Variants in GAN observed in about 807,000 individuals in gnomAD.
The protein encoded by GAN is epididymis secretory sperm binding protein.
In GAN, 48 loss-of-function variants were observed where a neutral mutation model predicts 71.3. The ratio of observed to expected loss-of-function variants is 0.67; its 90% CI spans 0.53 to 0.86. The LOEUF (loss-of-function observed/expected upper bound fraction) is 0.86. GAN is among the 40% of genes least tolerant of loss of function. GAN has a pLI of 0.00. For synonymous variants in GAN, 386 were observed against 276.8 expected (o/e 1.39, Z -3.92); for missense variants, 928 against 770.1 (o/e 1.21, Z -2.43).
Position 81,380,752 on chromosome 16 carries a change from T to G in GAN, c.*3156T>G, listed in dbSNP as rs137983893. ...TGTAAATATTGAAATATTTGTAGTT[T>G]ATAGTAAGTTTTACTTGGTGTTCGC... On this transcript the variant is annotated 3_prime_UTR_variant, in exon 11 of 11. Coordinates refer to ENST00000648994, the MANE Select transcript of GAN (RefSeq NM_022041.4). 1.3e-5 allele frequency: 2 copies of G among 152,348 alleles called. No homozygotes were observed. The highest frequency in any genetic ancestry group is 2.9e-5 in the Non-Finnish European group (2 of 68,038). The allele number at this position is 152,348 out of a possible 1,614,324, so 9.4% of individuals were successfully genotyped here.
intron 1 of GAN, among the ~76,000 whole-genome samples, chr16:81,333,618 A>G (rs1008851226): frequency 1.8e-4 from 27 of 152,348 alleles, no homozygotes; most frequent in African/African-American, 5.8e-4. Flanking sequence ...GAAATGATTC[A>G]TAGCAATTCA....
At chr16:81,340,172 C>G (rs1909894326) in intron 1 of GAN, among the ~76,000 whole-genome samples, 1 of 152,116 alleles carries the variant, frequency 6.6e-6, no homozygotes, top group African/African-American at 2.4e-5. Flanking sequence ...CTCCTGGGCT[C>G]AAGCAGTCCT....
intron 9 of GAN, among the ~76,000 whole-genome samples, chr16:81,376,797 G>A (rs966449058): frequency 5.9e-5 from 9 of 152,050 alleles, no homozygotes; most frequent in Admixed American, 4.6e-4. Flanking sequence ...AGGATCACCT[G>A]AACTGGTAGG....
In GAN at chr16:81,387,618, C is replaced by G. The variant is rs1440920523; in HGVS notation, c.*10022C>G. The stretch of plus-strand genomic sequence containing the variant: ...ATCACTTGAGGTCAGGAGTTCAAGA[C>G]TAGCCTGGCCAACATGGTGAAACCC... On this transcript the variant is annotated 3_prime_UTR_variant, in exon 11 of 11. Transcript: ENST00000648994. 1 of 152,450 alleles carries G rather than the reference C, an allele frequency of 6.6e-6. No individual in the cohort carries two copies. Among genetic ancestry groups the G allele is most frequent in the Non-Finnish European group, 1.5e-5 (1 of 68,298 alleles). The allele number at this position is 152,450 out of a possible 1,614,324, so 9.4% of individuals were successfully genotyped here.
chr16:81,370,090 C>T (rs1162958030), intron 9 of GAN, among the ~76,000 whole-genome samples: 1 of 152,188 alleles, frequency 6.6e-6, no homozygotes, highest in Non-Finnish European at 1.5e-5. Context: ...TTTTACTTGT[C>T]AGGGGCAACA....
chr16:81,347,425 G>A (rs118064038), intron 1 of GAN, among the ~76,000 whole-genome samples: 2 of 152,296 alleles, frequency 1.3e-5, no homozygotes, highest in East Asian at 1.9e-4. Context: ...GTACATAGCT[G>A]TCATTCCAGG....
intron 4 of GAN, 126 bp downstream of exon 4, chr16:81,357,128 T>C: frequency 1.3e-6 from 1 of 742,506 alleles, no homozygotes; most frequent in Non-Finnish European, 2.4e-6. Context: ...TTTTATACTT[T>C]AAGTTTTAGG....
At chr16:81,321,243 G>C (rs1299594892) in intron 1 of GAN, among the ~76,000 whole-genome samples, 1 of 152,200 alleles carries the variant, frequency 6.6e-6, no homozygotes, top group African/African-American at 2.4e-5. Context: ...GTAGCATAGA[G>C]GGAAGTGTGG....
chr16:81,340,311 A>T (rs1406885602), intron 1 of GAN, among the ~76,000 whole-genome samples: 2 of 152,238 alleles, frequency 1.3e-5, no homozygotes, highest in South Asian at 2.1e-4. Flanking sequence ...CCTTAAAAAA[A>T]ATAATAAAAC....
chr16:81,351,873 C>G (rs987767520), intron 2 of GAN, among the ~76,000 whole-genome samples, 176 bp downstream of exon 2: 1 of 152,190 alleles, frequency 6.6e-6, no homozygotes, highest in African/African-American at 2.4e-5. Flanking sequence ...TCTTCCATGG[C>G]TGTGCTCCTA....
intron 6 of GAN, among the ~76,000 whole-genome samples, chr16:81,362,983 A>T (rs889572736): frequency 1.3e-5 from 2 of 152,180 alleles, no homozygotes; most frequent in African/African-American, 4.8e-5. Context: ...AGGCATTTAA[A>T]GTTTTTCACA....
At chr16:81,345,515 A>G (rs1403968121) in intron 1 of GAN, among the ~76,000 whole-genome samples, 1 of 152,102 alleles carries the variant, frequency 6.6e-6, no homozygotes, top group South Asian at 2.1e-4. Context: ...CAAACAATGC[A>G]TGTTCTCACT....
intron 1 of GAN, among the ~76,000 whole-genome samples, chr16:81,335,933 G>T (rs1055572483): frequency 6.6e-6 from 1 of 152,096 alleles, no homozygotes; most frequent in Non-Finnish European, 1.5e-5. Flanking sequence ...GAGAGGAGGT[G>T]GGTGCCCCAT....
rs1259879350 is a variant in GAN at position 81,360,073 on chromosome 16, G to GGACA, written c.973+2144_973+2145insCAGA. On this transcript the variant is annotated intron_variant, in intron 5 of 10. Coordinates refer to ENST00000648994, the MANE Select transcript of GAN (RefSeq NM_022041.4). ...TGGATGGATGGATGGATGGATAGAT[G>GGACA]GATGGACAGACAGATAGGTAGATAG... Among the ~76,000 whole-genome samples, 11 of 143,092 alleles carry GGACA rather than the reference G, an allele frequency of 7.7e-5. No individual in the cohort carries two copies. In the South Asian group the frequency reaches 2.4e-3, roughly 32 times the overall value. 93.9% of individuals were successfully genotyped at this position (143,092 alleles called of 152,430 possible).
chr16:81,371,366 C>T (rs1075353), intron 9 of GAN, among the ~76,000 whole-genome samples: 3,410 of 152,218 alleles, frequency 0.022, 78 homozygotes, highest in East Asian at 0.12. Context: ...GGCTCTTCTT[C>T]TGTTGAGGAG....
chr16:81,342,814 C>T (rs567126012), intron 1 of GAN, among the ~76,000 whole-genome samples: 16 of 151,690 alleles, frequency 1.1e-4, no homozygotes, highest in African/African-American at 3.9e-4. Context: ...AGACACAACC[C>T]TTCAAAAAAT....
chr16:81,343,037 A>G (rs975805884), intron 1 of GAN, among the ~76,000 whole-genome samples: 7 of 152,256 alleles, frequency 4.6e-5, no homozygotes, highest in Admixed American at 4.6e-4. Context: ...GAAGAAATGG[A>G]TAAATTCCTG....
chr16:81,365,960 A>C (rs1597407653), intron 9 of GAN, among the ~76,000 whole-genome samples: 1 of 152,070 alleles, frequency 6.6e-6, no homozygotes, highest in African/African-American at 2.4e-5. Flanking sequence ...TCTGCTACTG[A>C]CCCAGATACT....
Position 81,378,086 on chromosome 16 carries a change from G to T in GAN, c.*490G>T. ...TGCCTAACCCTGCCCAACAAATTAA[G>T]GTTTGTGCCTAAAATGTTAGATTGG... On this transcript the variant is annotated 3_prime_UTR_variant, in exon 11 of 11. Coordinates refer to ENST00000648994, the MANE Select transcript of GAN (RefSeq NM_022041.4). 1 of 188,524 alleles carries T rather than the reference G, an allele frequency of 5.3e-6. No homozygotes were observed. The highest frequency in any genetic ancestry group is 1.1e-5 in the Non-Finnish European group (1 of 88,658). The allele number at this position is 188,524 out of a possible 1,614,324, so 11.7% of individuals were successfully genotyped here.
Sources: allele counts gnomAD v4.1 joint callset (sites outside exome capture counted in the v4.1 genomes callset), GRCh38; gene constraint gnomAD v4.1.1; transcripts MANE v1.5; gene names NCBI Gene and HGNC (gene_info 2026-07-23, HGNC 2026-07-21).